Variants in ANTXR1 observed in about 807,000 individuals in gnomAD.
The protein encoded by ANTXR1 is anthrax toxin receptor 1.
Under a neutral mutation model 78.1 loss-of-function variants are expected in ANTXR1, and 19 were observed. That is an observed-to-expected ratio of 0.24 (90% CI 0.17 to 0.36). The LOEUF (loss-of-function observed/expected upper bound fraction) is 0.36, where lower values mean the gene tolerates loss of function less well. Ranked by LOEUF, ANTXR1 falls within the 10% of genes least tolerant of loss-of-function variation. The pLI, the probability that ANTXR1 is intolerant of heterozygous loss-of-function variation, is 1.00. For missense variants in ANTXR1, 518 were observed against 718.6 expected (o/e 0.72, Z 3.19); for synonymous variants, 273 against 260.5 (o/e 1.05, Z -0.46).
In ANTXR1 at chr2:69,248,744, A is replaced by G. The variant is rs1186736971; in HGVS notation, c.*3259A>G. 1 of 152,226 alleles carries G rather than the reference A, an allele frequency of 6.6e-6. No individual in the cohort carries two copies. Among genetic ancestry groups the G allele is most frequent in the African/African-American group, 2.4e-5 (1 of 41,456 alleles). 9.4% of individuals were successfully genotyped at this position (152,226 alleles called of 1,614,324 possible). A position where few individuals can be genotyped will look rare whatever the true frequency, so the allele number is the denominator to read the frequency against. ...AGGAAAAAATAATTATAAGATGATA[A>G]GCAAATGTTTCAGCCCAATGTCAAC... On this transcript the variant is annotated 3_prime_UTR_variant, in exon 18 of 18. Transcript: ENST00000303714.
chr2:69,179,506 AGAGT>A (rs1164128989), intron 14 of ANTXR1, among the ~76,000 whole-genome samples: 1 of 148,428 alleles, frequency 6.7e-6, no homozygotes, highest in Non-Finnish European at 1.5e-5. Context: ...CCTGGGTGAC[AGAGT>A]GAGACCCTGT....
intron 1 of ANTXR1, among the ~76,000 whole-genome samples, chr2:69,031,842 T>G (rs1671537473): frequency 6.6e-6 from 1 of 152,244 alleles, no homozygotes; most frequent in Non-Finnish European, 1.5e-5. Context: ...TTTCAAATGT[T>G]AACTTTTTCC....
At chr2:69,036,210 T>C (rs1235439597) in intron 1 of ANTXR1, among the ~76,000 whole-genome samples, 2 of 152,174 alleles carry the variant, frequency 1.3e-5, no homozygotes, top group Non-Finnish European at 2.9e-5. Context: ...CTAGTATAAT[T>C]TCCTGATTTT....
intron 8 of ANTXR1, among the ~76,000 whole-genome samples, chr2:69,088,711 C>T (rs1330612911): frequency 1.3e-5 from 2 of 152,178 alleles, no homozygotes; most frequent in Non-Finnish European, 2.9e-5. Flanking sequence ...GCTAGCAAGT[C>T]CCAGTCCTAA....
chr2:69,046,973 A>G (rs995611146), intron 3 of ANTXR1, among the ~76,000 whole-genome samples: 9 of 152,226 alleles, frequency 5.9e-5, no homozygotes, highest in African/African-American at 1.9e-4. Flanking sequence ...AAGAAATAAT[A>G]TCAAAGATAT....
At chr2:69,024,111 T>C (rs147596541) in intron 1 of ANTXR1, among the ~76,000 whole-genome samples, 10 of 152,276 alleles carry the variant, frequency 6.6e-5, no homozygotes, top group African/African-American at 2.4e-4. Flanking sequence ...GGGGCTCTTT[T>C]GTATTAAGGA....
In ANTXR1 at chr2:69,040,164, C is replaced by A; in HGVS notation, c.224+49C>A. The A allele has an allele frequency of 3.3e-6, 5 of 1,501,388 alleles. No individual in the cohort carries two copies. The South Asian group carries it at 3.4e-5, about 10-fold the overall frequency. 93.0% of individuals were successfully genotyped at this position (1,501,388 alleles called of 1,614,324 possible). A position where few individuals can be genotyped will look rare whatever the true frequency, so the allele number is the denominator to read the frequency against. On this transcript the variant is annotated intron_variant, in intron 2 of 17. Transcript: ENST00000303714. ...TCACTTGTAGTTCTCTGTCATGAGT[C>A]AAACTAGTCCATGTTTGCTATTCTA... is the stretch of plus-strand genomic sequence containing the variant.
intron 12 of ANTXR1, among the ~76,000 whole-genome samples, chr2:69,138,851 G>C (rs77112133): frequency 0.019 from 2,820 of 152,236 alleles, 93 homozygotes; most frequent in African/African-American, 0.064. Flanking sequence ...TCATTTGCAG[G>C]CTGAGGAAAT....
intron 13 of ANTXR1, among the ~76,000 whole-genome samples, chr2:69,164,238 C>T (rs938712674): frequency 3.9e-5 from 6 of 152,142 alleles, no homozygotes; most frequent in African/African-American, 1.2e-4. Context: ...AAGGCCAACC[C>T]GTGACTCTGA....
chr2:69,059,730 T>C lies in ANTXR1; in HGVS notation c.297-10917T>C, dbSNP rs1670177343. The stretch of plus-strand genomic sequence containing the variant: ...AGTATAGCATAACTTTTATATGCAC[T>C]GGGAGGCCAAAAATGTTGTGAGAGT... On this transcript the variant is annotated intron_variant, in intron 3 of 17. Coordinates refer to ENST00000303714, the MANE Select transcript of ANTXR1 (RefSeq NM_032208.3). 2.6e-5 allele frequency among the ~76,000 whole-genome samples: 4 copies of C among 152,234 alleles called. No homozygotes were observed. The South Asian group carries it at 8.3e-4, about 32-fold the overall frequency.
At chr2:69,149,673 C>T (rs947980866) in intron 12 of ANTXR1, among the ~76,000 whole-genome samples, 2 of 152,160 alleles carry the variant, frequency 1.3e-5, no homozygotes, top group Admixed American at 6.5e-5. Flanking sequence ...ATGTTTTTTA[C>T]CCTGGAGAAC....
intron 17 of ANTXR1, among the ~76,000 whole-genome samples, chr2:69,223,164 T>C (rs1320326051): frequency 1.3e-5 from 2 of 152,150 alleles, no homozygotes; most frequent in African/African-American, 2.4e-5. Context: ...GGCTGGCAGA[T>C]GGCCCAGGAC....
intron 12 of ANTXR1, among the ~76,000 whole-genome samples, chr2:69,144,989 T>C (rs546427514): frequency 1.1e-3 from 161 of 152,362 alleles, no homozygotes; most frequent in African/African-American, 3.7e-3. Context: ...AGCATGCCTC[T>C]TTCCTGCCTT....
chr2:69,140,335 G>T (rs1189853436), intron 12 of ANTXR1, among the ~76,000 whole-genome samples: 1 of 152,192 alleles, frequency 6.6e-6, no homozygotes, highest in Non-Finnish European at 1.5e-5. Context: ...ACATCCATAT[G>T]ATTTCTGCTC....
intron 10 of ANTXR1, among the ~76,000 whole-genome samples, chr2:69,111,744 TA>T (rs1671982585): frequency 1.3e-5 from 2 of 152,276 alleles, no homozygotes; most frequent in Non-Finnish European, 2.9e-5. Context: ...CTCAACTTCC[TA>T]GGGGGAAGAG....
At chr2:69,201,808 C>T (rs572187188) in intron 17 of ANTXR1, among the ~76,000 whole-genome samples, 39 of 152,086 alleles carry the variant, frequency 2.6e-4, no homozygotes, top group Non-Finnish European at 4.1e-4. Flanking sequence ...AAGATGAGGA[C>T]GTCACTTTTT....
chr2:69,109,094 T>G (rs1467320624), intron 10 of ANTXR1, among the ~76,000 whole-genome samples: 2 of 152,170 alleles, frequency 1.3e-5, no homozygotes, highest in East Asian at 3.9e-4. Flanking sequence ...AACATCTCCA[T>G]GCCTCAGTTT....
chr2:69,130,844 C>T (rs558260764), intron 12 of ANTXR1, among the ~76,000 whole-genome samples: 63 of 152,226 alleles, frequency 4.1e-4, no homozygotes, highest in African/African-American at 1.4e-3. Flanking sequence ...ATTTTAGGAG[C>T]AGGCTGGAAA....
At chr2:69,063,500 C>T (rs987669153) in intron 3 of ANTXR1, among the ~76,000 whole-genome samples, 41 of 150,840 alleles carry the variant, frequency 2.7e-4, no homozygotes, top group African/African-American at 8.8e-4. Context: ...AGCAAATCTG[C>T]GCTATTAAAA....
Sources: allele counts gnomAD v4.1 joint callset (sites outside exome capture counted in the v4.1 genomes callset), GRCh38; gene constraint gnomAD v4.1.1; transcripts MANE v1.5; gene names NCBI Gene and HGNC (gene_info 2026-07-23, HGNC 2026-07-21).